The following PHF24 variants were observed in gnomAD, a reference collection of about 807,000 sequenced individuals.
PHF24 encodes the protein PHD finger protein 24.
In PHF24, 25 loss-of-function variants were observed where a neutral mutation model predicts 42.6. The observed-to-expected ratio is 0.59, with a 90% CI of 0.43 to 0.82. The LOEUF (loss-of-function observed/expected upper bound fraction) is 0.82, where lower values mean the gene tolerates loss of function less well. PHF24 is among the 40% of genes least tolerant of loss of function. The pLI is 0.00. For synonymous variants in PHF24, 185 were observed against 204.8 expected (o/e 0.90, Z 0.83); for missense variants, 470 against 538.1 (o/e 0.87, Z 1.25).
chr9:34,739,367 A>G, the PHF24 span, among the ~76,000 whole-genome samples: 2 of 152,224 alleles, frequency 1.3e-5, no homozygotes, highest in African/African-American at 4.8e-5. Flanking sequence ...GAAATGTGAA[A>G]TGCACATAGC....
chr9:34,790,886 A>G, the PHF24 span, among the ~76,000 whole-genome samples: 9 of 152,114 alleles, frequency 5.9e-5, no homozygotes, highest in Admixed American at 5.9e-4. Context: ...AGGTGCCAAG[A>G]GGGGCAGGAA....
chr9:34,932,984 C>CT, the PHF24 span, among the ~76,000 whole-genome samples: 104 of 121,408 alleles, frequency 8.6e-4, no homozygotes, highest in Middle Eastern at 0.016. Flanking sequence ...AGCAGGAACT[C>CT]TTTTTTTTTT....
the PHF24 span, among the ~76,000 whole-genome samples, chr9:34,749,066 A>G: frequency 1.3e-5 from 2 of 152,092 alleles, no homozygotes; most frequent in Non-Finnish European, 2.9e-5. Context: ...CAATTGACAT[A>G]CTGAGGAATG....
At chr9:34,807,861 A>C in the PHF24 span, among the ~76,000 whole-genome samples, 1 of 152,234 alleles carries the variant, frequency 6.6e-6, no homozygotes, top group Non-Finnish European at 1.5e-5. Flanking sequence ...AACAGTGCCT[A>C]GACACCACCA....
At chr9:34,911,276 A>G in the PHF24 span, among the ~76,000 whole-genome samples, 19 of 151,512 alleles carry the variant, frequency 1.3e-4, no homozygotes, top group Non-Finnish European at 2.5e-4. Flanking sequence ...TTCTTTTGAG[A>G]CAGAGTCTCT....
the PHF24 span, chr9:34,894,297 ACTCT>A: frequency 2.5e-6 from 1 of 394,720 alleles, no homozygotes; most frequent in Non-Finnish European, 4.5e-6. Context: ...TGCCCTGGTA[ACTCT>A]CTCAACTAGT....
chr9:34,716,235 T>C, the PHF24 span, among the ~76,000 whole-genome samples: 1 of 152,196 alleles, frequency 6.6e-6, no homozygotes, highest in African/African-American at 2.4e-5. Context: ...CATTCATCAA[T>C]GTGTAGCTCT....
chr9:34,922,723 G>A, the PHF24 span: 1 of 1,569,334 alleles, frequency 6.4e-7, no homozygotes, highest in Non-Finnish European at 8.7e-7. Context: ...TCTGTCTTTT[G>A]TTCAATACTT....
the PHF24 span, among the ~76,000 whole-genome samples, chr9:34,857,242 G>C: frequency 6.6e-6 from 1 of 152,226 alleles, no homozygotes; most frequent in Non-Finnish European, 1.5e-5. Context: ...GGTGCCATGG[G>C]AGTGGGGCCC....
the PHF24 span, among the ~76,000 whole-genome samples, chr9:34,926,212 C>G: frequency 1.3e-5 from 2 of 152,202 alleles, no homozygotes; most frequent in African/African-American, 4.8e-5. This position sits in a 1 kb window ranked among gnomAD's most constrained non-coding sequence, Gnocchi z 4.3. Context: ...TGGGATCTGG[C>G]TCACTGGGGC....
At chr9:34,833,015 G>C in the PHF24 span, 2 of 1,551,616 alleles carry the variant, frequency 1.3e-6, no homozygotes, top group Non-Finnish European at 1.7e-6. Flanking sequence ...CCATCGCCAG[G>C]ACCCTCGGGG....
At chr9:34,680,713 A>AT in the PHF24 span, among the ~76,000 whole-genome samples, 3 of 92,708 alleles carry the variant, frequency 3.2e-5, no homozygotes, top group African/African-American at 1.0e-4. Context: ...TAAATAAAAA[A>AT]AAAAATAAAA....
At chr9:34,838,038 C>A in the PHF24 span, among the ~76,000 whole-genome samples, 2 of 152,246 alleles carry the variant, frequency 1.3e-5, no homozygotes, top group African/African-American at 4.8e-5. Context: ...CCTTAAAGGG[C>A]CACCAACCAA....
exon 8 of PHF24, chr9:34,981,696 TA>T (rs1191862925): frequency 6.6e-6 from 1 of 152,022 alleles, no homozygotes; most frequent in African/African-American, 2.4e-5. Context: ...AGTCCCTTTT[TA>T]CCCCTCCTCT....
At chr9:34,906,922 G>A in the PHF24 span, among the ~76,000 whole-genome samples, 1 of 152,214 alleles carries the variant, frequency 6.6e-6, no homozygotes, top group African/African-American at 2.4e-5. Flanking sequence ...CTCTTGCTCT[G>A]TTGTCCAGGC....
chr9:34,711,861 A>C, the PHF24 span, among the ~76,000 whole-genome samples: 1 of 152,100 alleles, frequency 6.6e-6, no homozygotes, highest in Non-Finnish European at 1.5e-5. Context: ...TGTTATGTTT[A>C]TCAGAGATCT....
At chr9:34,715,025 C>G in the PHF24 span, among the ~76,000 whole-genome samples, 1 of 152,106 alleles carries the variant, frequency 6.6e-6, no homozygotes, top group Non-Finnish European at 1.5e-5. Flanking sequence ...AGTGGTAGAG[C>G]AGTCTCAGGG....
chr9:34,854,213 A>C, the PHF24 span, among the ~76,000 whole-genome samples: 3 of 59,672 alleles, frequency 5.0e-5, no homozygotes, highest in Non-Finnish European at 1.4e-4. Context: ...TTTTTTTTTC[A>C]AAAAAAATCA....
At chr9:34,872,743 A>G in the PHF24 span, among the ~76,000 whole-genome samples, 31 of 149,910 alleles carry the variant, frequency 2.1e-4, no homozygotes, top group African/African-American at 7.4e-4. Context: ...GGCTGGCTCA[A>G]ATGGTATTTC....
Sources: gnomAD v4.1 joint callset for allele counts (sites outside exome capture counted in the v4.1 genomes callset) on GRCh38, gnomAD v4.1.1 for gene constraint, Gnocchi (gnomAD v3.1) non-coding constraint, MANE v1.5 for transcripts, NCBI Gene and HGNC (gene_info 2026-07-23, HGNC 2026-07-21) for gene names.